Variants in RIMS2 observed in about 807,000 individuals in gnomAD.
RIMS2 encodes regulating synaptic membrane exocytosis 2, also known as regulating synaptic membrane exocytosis protein 2.
In RIMS2, 59 loss-of-function variants were observed where a neutral mutation model predicts 174.4. That is an observed-to-expected ratio of 0.34 (90% CI 0.27 to 0.42). RIMS2 has a LOEUF of 0.42. Among genes scored for constraint, RIMS2 ranks in the 10% least tolerant of loss-of-function variants. The pLI is 1.00. For missense variants in RIMS2, 1,620 were observed against 1,666.3 expected (o/e 0.97, Z 0.48); for synonymous variants, 606 against 572.5 (o/e 1.06, Z -0.84).
At chr8:103,758,651 G>A (rs1390889805) in intron 2 of RIMS2, among the ~76,000 whole-genome samples, 1 of 152,136 alleles carries the variant, frequency 6.6e-6, no homozygotes, top group Non-Finnish European at 1.5e-5. Flanking sequence ...CTTTAGCTCT[G>A]CTAATTTCCT....
chr8:104,000,146 CCTTT>C (rs1348572600), intron 17 of RIMS2, among the ~76,000 whole-genome samples: 1 of 151,384 alleles, frequency 6.6e-6, no homozygotes, highest in African/African-American at 2.4e-5. Flanking sequence ...GAATGAAGTT[CCTTT>C]GTTTTTTTAA....
intron 1 of RIMS2, among the ~76,000 whole-genome samples, chr8:103,685,860 A>T (rs1171158381): frequency 6.6e-6 from 1 of 152,130 alleles, no homozygotes; most frequent in Non-Finnish European, 1.5e-5. Context: ...ATTTTTATTA[A>T]AAAAATGCTG....
chr8:103,630,109 G>A (rs2095875101), intron 1 of RIMS2, among the ~76,000 whole-genome samples: 1 of 148,164 alleles, frequency 6.7e-6, no homozygotes, highest in Non-Finnish European at 1.5e-5. Flanking sequence ...AATTCAGGCT[G>A]AGACACATCA....
At chr8:103,765,220 G>A (rs978783430) in intron 2 of RIMS2, among the ~76,000 whole-genome samples, 10 of 152,124 alleles carry the variant, frequency 6.6e-5, no homozygotes, top group African/African-American at 1.9e-4. Context: ...TGATAATATG[G>A]CTTTTTAAAT....
At chr8:103,687,889 AT>A (rs34116428) in intron 1 of RIMS2, among the ~76,000 whole-genome samples, 118,376 of 151,660 alleles carry the variant, frequency 0.78, 46,488 homozygotes, top group East Asian at 0.88. Flanking sequence ...TATATACCGC[AT>A]TTTTTTTTAT....
At chr8:104,133,104 A>G (rs1222894487) in intron 19 of RIMS2, among the ~76,000 whole-genome samples, 1 of 152,224 alleles carries the variant, frequency 6.6e-6, no homozygotes, top group African/African-American at 2.4e-5. Flanking sequence ...TTCAAATACT[A>G]GCAATGAAAC....
At chr8:104,023,127 G>A (rs2096150768) in intron 19 of RIMS2, among the ~76,000 whole-genome samples, 2 of 152,098 alleles carry the variant, frequency 1.3e-5, no homozygotes, top group Non-Finnish European at 2.9e-5. Context: ...ATTGGTTAAA[G>A]CATTTCGTGG....
intron 17 of RIMS2, among the ~76,000 whole-genome samples, chr8:104,002,123 T>G (rs2095413448): frequency 6.6e-6 from 1 of 152,114 alleles, no homozygotes. Flanking sequence ...TCAGTAGAAA[T>G]TGTTCTAGCT....
chr8:103,769,924 A>T (rs1231463657), intron 3 of RIMS2, among the ~76,000 whole-genome samples: 2 of 152,362 alleles, frequency 1.3e-5, no homozygotes, highest in Non-Finnish European at 1.5e-5. Context: ...GTCAGGAAAG[A>T]AGTTAGAGTT....
At chr8:103,906,625 A>G (rs2154526049) in intron 4 of RIMS2, among the ~76,000 whole-genome samples, 1 of 152,264 alleles carries the variant, frequency 6.6e-6, no homozygotes, top group East Asian at 1.9e-4. Context: ...TTTTATTTTC[A>G]GAGAAAAAGA....
chr8:103,987,061 AAC>A (rs2094413310), intron 16 of RIMS2, among the ~76,000 whole-genome samples: 1 of 152,162 alleles, frequency 6.6e-6, no homozygotes, highest in South Asian at 2.1e-4. Context: ...CTGGCTCTAA[AAC>A]CAGATAAAAA....
chr8:103,712,195 A>T (rs2097314282), intron 2 of RIMS2, among the ~76,000 whole-genome samples: 1 of 146,384 alleles, frequency 6.8e-6, no homozygotes, highest in East Asian at 2.0e-4. Flanking sequence ...TTTTAAATAG[A>T]GACAGGGTCT....
intron 2 of RIMS2, among the ~76,000 whole-genome samples, chr8:103,726,587 G>A (rs2097529695): frequency 6.6e-6 from 1 of 151,060 alleles, no homozygotes; most frequent in Admixed American, 6.6e-5. Flanking sequence ...TTTAATTTAT[G>A]GATAAGTTTG....
chr8:103,552,564 A>G (rs914101431), intron 1 of RIMS2, among the ~76,000 whole-genome samples: 5 of 152,366 alleles, frequency 3.3e-5, no homozygotes, highest in South Asian at 4.1e-4. Flanking sequence ...CTAAAACACC[A>G]AAAGCAATGG....
At chr8:103,518,606 T>C (rs775858271) in intron 1 of RIMS2, among the ~76,000 whole-genome samples, 8 of 152,032 alleles carry the variant, frequency 5.3e-5, no homozygotes, top group Admixed American at 1.3e-4. Flanking sequence ...TATTGCTGTA[T>C]CAGTTGTTAA....
intron 19 of RIMS2, among the ~76,000 whole-genome samples, chr8:104,235,733 T>G (rs2099254902): frequency 6.6e-6 from 1 of 152,136 alleles, no homozygotes; most frequent in South Asian, 2.1e-4. Context: ...GAGCATAAGG[T>G]TAAGTTGCAG....
At chr8:104,029,160 C>G (rs1348632620) in intron 19 of RIMS2, among the ~76,000 whole-genome samples, 2 of 152,152 alleles carry the variant, frequency 1.3e-5, no homozygotes, top group Non-Finnish European at 2.9e-5. Flanking sequence ...TTCTAACTAG[C>G]ATATGAACCG....
chr8:104,220,323 C>T (rs2099149430), intron 19 of RIMS2, among the ~76,000 whole-genome samples: 1 of 152,114 alleles, frequency 6.6e-6, no homozygotes, highest in South Asian at 2.1e-4. Context: ...TGTTCTGAAG[C>T]TGCAGGAGGG....
intron 3 of RIMS2, among the ~76,000 whole-genome samples, chr8:103,826,362 G>A (rs901116571): frequency 1.4e-4 from 21 of 150,678 alleles, no homozygotes; most frequent in African/African-American, 4.6e-4. Context: ...TTAGCTTTTT[G>A]GTTCACATAT....
Sources: gnomAD v4.1 joint callset for allele counts (sites outside exome capture counted in the v4.1 genomes callset) on GRCh38, gnomAD v4.1.1 for gene constraint, MANE v1.5 for transcripts, NCBI Gene and HGNC (gene_info 2026-07-23, HGNC 2026-07-21) for gene names.